PPM1B: variants seen among roughly 807,000 people sequenced by gnomAD.
The protein encoded by PPM1B is protein phosphatase 1B.
Under a neutral mutation model 43.0 loss-of-function variants are expected in PPM1B, and 22 were observed. That is an observed-to-expected ratio of 0.51 (90% CI 0.37 to 0.73). The LOEUF (loss-of-function observed/expected upper bound fraction) is 0.73, where lower values mean the gene tolerates loss of function less well. PPM1B is among the 30% of genes least tolerant of loss of function. The pLI, the probability that PPM1B is intolerant of heterozygous loss-of-function variation, is 0.00. For missense variants in PPM1B, 632 were observed against 584.2 expected (o/e 1.08, Z -0.84); for synonymous variants, 217 against 197.9 (o/e 1.10, Z -0.81).
At chr2:44,236,954 A>G (rs1670639468), downstream of PPM1B, among the ~76,000 whole-genome samples, 1 of 152,204 alleles carries the variant, frequency 6.6e-6, no homozygotes, top group Non-Finnish European at 1.5e-5. Flanking sequence ...GCAAAGTGTG[A>G]TGTTTTTCAC....
At chr2:44,220,811 A>T (rs1669946046) in intron 5 of PPM1B, among the ~76,000 whole-genome samples, 1 of 152,252 alleles carries the variant, frequency 6.6e-6, no homozygotes, top group African/African-American at 2.4e-5. Context: ...TCAGCTTCTT[A>T]GAGAAAAGAT....
At chr2:44,188,288 C>T (rs567060160) in intron 1 of PPM1B, among the ~76,000 whole-genome samples, 41 of 151,702 alleles carry the variant, frequency 2.7e-4, no homozygotes, top group African/African-American at 9.2e-4. Context: ...TCTGAGGATT[C>T]TGATTTCTGA....
intron 1 of PPM1B, among the ~76,000 whole-genome samples, chr2:44,199,072 C>T (rs903857810): frequency 6.6e-6 from 1 of 151,918 alleles, no homozygotes; most frequent in Non-Finnish European, 1.5e-5. Flanking sequence ...ATCTGGCCAA[C>T]ATAGTGAAAC....
chr2:44,182,944 A>G (rs1667952344), intron 1 of PPM1B, among the ~76,000 whole-genome samples: 2 of 152,146 alleles, frequency 1.3e-5, no homozygotes, highest in Non-Finnish European at 2.9e-5. Context: ...CTCCAGCACT[A>G]TCAGATCTTG....
intron 1 of PPM1B, among the ~76,000 whole-genome samples, chr2:44,188,445 G>A (rs1187154391): frequency 7.0e-6 from 1 of 142,340 alleles, no homozygotes; most frequent in African/African-American, 2.6e-5. Flanking sequence ...GCTCAGGCTG[G>A]AATACAACAG....
intron 5 of PPM1B, among the ~76,000 whole-genome samples, chr2:44,242,578 T>C (rs531691660): frequency 6.6e-6 from 1 of 152,230 alleles, no homozygotes; most frequent in Non-Finnish European, 1.5e-5. Context: ...ACAATCTTAA[T>C]AGTATACAAG....
At chr2:44,207,062 T>G (rs1428544247) in intron 2 of PPM1B, among the ~76,000 whole-genome samples, 1 of 152,196 alleles carries the variant, frequency 6.6e-6, no homozygotes, top group Non-Finnish European at 1.5e-5. Context: ...TAACCGGGAA[T>G]CTAATGAAAT....
intron 1 of PPM1B, among the ~76,000 whole-genome samples, chr2:44,177,664 C>T (rs1572682527): frequency 6.6e-6 from 1 of 151,964 alleles, no homozygotes; most frequent in African/African-American, 2.4e-5. Flanking sequence ...AAGATCTGCC[C>T]GCCTCGGCCT....
chr2:44,195,337 G>C (rs1451029089), intron 1 of PPM1B, among the ~76,000 whole-genome samples: 2 of 152,006 alleles, frequency 1.3e-5, no homozygotes, highest in Non-Finnish European at 2.9e-5. Flanking sequence ...CCAAGTAGCT[G>C]GTGCTGCAGG....
At chr2:44,180,080 A>G (rs756291862) in intron 1 of PPM1B, among the ~76,000 whole-genome samples, 1 of 151,220 alleles carries the variant, frequency 6.6e-6, no homozygotes, top group Non-Finnish European at 1.5e-5. Context: ...GTGTATTTGG[A>G]TTGAAATGAA....
chr2:44,214,905 A>G (rs1004301677), intron 3 of PPM1B, among the ~76,000 whole-genome samples: 1 of 152,236 alleles, frequency 6.6e-6, no homozygotes, highest in African/African-American at 2.4e-5. Flanking sequence ...TATGGTGCCT[A>G]GCACGTAAGT....
chr2:44,218,248 A>G (rs549291887), intron 4 of PPM1B, among the ~76,000 whole-genome samples, 170 bp downstream of exon 4: 14 of 152,334 alleles, frequency 9.2e-5, no homozygotes, highest in African/African-American at 3.4e-4. Context: ...GATTTTTTAA[A>G]AGGAATTATC....
At chr2:44,224,982 A>G (rs1670148092) in intron 5 of PPM1B, among the ~76,000 whole-genome samples, 1 of 152,194 alleles carries the variant, frequency 6.6e-6, no homozygotes, top group Admixed American at 6.5e-5. Context: ...AATGTATTCA[A>G]CAGAGCGCAA....
chr2:44,196,832 G>T lies in PPM1B; in HGVS notation c.-14-4354G>T, dbSNP rs115982218. Among the ~76,000 whole-genome samples, 546 of 152,226 alleles carry T rather than the reference G, an allele frequency of 3.6e-3. 2 individuals carry two copies. The highest frequency in any genetic ancestry group is 0.013 in the African/African-American group (528 of 41,522). On this transcript the variant is annotated intron_variant, in intron 1 of 5. Transcript: ENST00000282412. ...GAGTGGTTATAACATCTCAGAAATA[G>T]AATCACTGGATCGGAATTTCCAATT...
intron 1 of PPM1B, among the ~76,000 whole-genome samples, chr2:44,178,575 C>G (rs1214544527): frequency 1.3e-5 from 2 of 151,638 alleles, no homozygotes; most frequent in East Asian, 1.9e-4. Flanking sequence ...TCAAGCGATA[C>G]TCCTGTTTCA....
At chr2:44,229,182 C>T (rs1420324633) in intron 5 of PPM1B, among the ~76,000 whole-genome samples, 8 of 121,144 alleles carry the variant, frequency 6.6e-5, no homozygotes, top group Non-Finnish European at 1.4e-4. Context: ...AACTCCATCC[C>T]AAAAAAAAAA....
At chr2:44,205,674 G>A (rs192539714) in intron 2 of PPM1B, among the ~76,000 whole-genome samples, 95 of 151,910 alleles carry the variant, frequency 6.3e-4, no homozygotes, top group African/African-American at 2.3e-3. Context: ...TTTGTCACCT[G>A]TTTTGTTTTT....
At chr2:44,170,123 A>G (rs1379872030) in intron 1 of PPM1B, among the ~76,000 whole-genome samples, 1 of 152,166 alleles carries the variant, frequency 6.6e-6, no homozygotes, top group Non-Finnish European at 1.5e-5. Context: ...AACTTGCATG[A>G]CCTCTCATAT....
downstream of PPM1B, among the ~76,000 whole-genome samples, chr2:44,235,113 A>G (rs186671710): frequency 2.7e-4 from 41 of 152,334 alleles, no homozygotes; most frequent in African/African-American, 8.4e-4. Context: ...ATTGGTTGCA[A>G]TGTGAAATCG....
Sources: gnomAD v4.1 joint callset for allele counts (sites outside exome capture counted in the v4.1 genomes callset) on GRCh38, gnomAD v4.1.1 for gene constraint, MANE v1.5 for transcripts, NCBI Gene and HGNC (gene_info 2026-07-23, HGNC 2026-07-21) for gene names.